Variants in ZMAT4 observed in about 807,000 individuals in gnomAD.
ZMAT4 encodes zinc finger matrin-type protein 4.
ZMAT4 carries 17 observed loss-of-function variants against 28.7 expected under a neutral mutation model. The observed-to-expected ratio is 0.59, with a 90% confidence interval of 0.41 to 0.89. The LOEUF (loss-of-function observed/expected upper bound fraction) is 0.89, where lower values mean the gene tolerates loss of function less well. ZMAT4 is among the 40% of genes least tolerant of loss of function. The probability of loss-of-function intolerance (pLI) is 0.00; values close to 1 mark genes in which losing one functional copy is unlikely to be tolerated. For missense variants in ZMAT4, 240 were observed against 283.8 expected, an observed-to-expected ratio of 0.85 and a Z score of 1.11; for synonymous variants, 117 against 109.2, an observed-to-expected ratio of 1.07 and a Z score of -0.44.
intron 3 of ZMAT4, among the ~76,000 whole-genome samples, chr8:40,730,548 A>G (rs1585955332): frequency 6.6e-6 from 1 of 152,146 alleles, no homozygotes; most frequent in Non-Finnish European, 1.5e-5. Flanking sequence ...CTTAATTTGT[A>G]CTCATTCTAT....
At chr8:40,856,029 T>A (rs987704370) in intron 1 of ZMAT4, among the ~76,000 whole-genome samples, 1 of 151,752 alleles carries the variant, frequency 6.6e-6, no homozygotes, top group Non-Finnish European at 1.5e-5. Flanking sequence ...AATTTAGTTA[T>A]CCCTGCCACA....
chr8:40,647,735 G>C (rs191056984), intron 5 of ZMAT4, among the ~76,000 whole-genome samples: 1 of 152,136 alleles, frequency 6.6e-6, no homozygotes, highest in African/African-American at 2.4e-5. Flanking sequence ...ATCTGAGAAC[G>C]GACAGACTGC....
chr8:40,846,973 A>C (rs1042288753), intron 1 of ZMAT4, among the ~76,000 whole-genome samples: 5 of 152,132 alleles, frequency 3.3e-5, no homozygotes, highest in Non-Finnish European at 7.4e-5. Flanking sequence ...TTGGGAGGCC[A>C]AGGCGGGCAG....
At chr8:40,660,431 G>C (rs1239752804) in intron 5 of ZMAT4, among the ~76,000 whole-genome samples, 1 of 152,182 alleles carries the variant, frequency 6.6e-6, no homozygotes, top group African/African-American at 2.4e-5. Context: ...TAGCTTAGAA[G>C]TTTCCTGAAG....
In ZMAT4 at chr8:40,847,220, A is replaced by AAAC. The variant is rs1563524391; in HGVS notation, c.-4-21541_-4-21540insGTT. ...TTCCATCTAAAAAAACAAACAAACAAAAAAAAAAAACTGGGGGAAATCCAG... is the reference window on the plus strand; with the variant it reads ...TTCCATCTAAAAAAACAAACAAACAAAACAAAAAAAAAACTGGGGGAAATCCAG... On this transcript the variant is annotated intron_variant, in intron 1 of 6. Transcript: ENST00000297737. 4.0e-4 allele frequency among the ~76,000 whole-genome samples: 44 copies of AAAC among 111,212 alleles called. 1 individual carries two copies. Among genetic ancestry groups the AAAC allele is most frequent in the African/African-American group, 1.4e-3 (38 of 26,814 alleles). The allele number at this position is 111,212 out of a possible 152,430, so 73.0% of individuals were successfully genotyped here.
At chr8:40,617,107 T>C (rs1000146907) in intron 5 of ZMAT4, among the ~76,000 whole-genome samples, 17 of 152,160 alleles carry the variant, frequency 1.1e-4, no homozygotes, top group Admixed American at 2.0e-4. Flanking sequence ...TGACATGGTG[T>C]GATGATGATC....
Position 40,531,650 on chromosome 8 carries a change from C to T in ZMAT4, c.*573G>A, listed in dbSNP as rs1017076052. The T allele has an allele frequency of 2.0e-5, 3 of 152,724 alleles. No individual in the cohort carries two copies. The highest frequency in any genetic ancestry group is 4.4e-5 in the Non-Finnish European group (3 of 68,042). The allele number at this position is 152,724 out of a possible 1,614,324, so 9.5% of individuals were successfully genotyped here. The stretch of plus-strand genomic sequence containing the variant: ...GAATTCTTCCTTTATTTACTCCCTT[C>T]GTCTTCATTGTTCAGATGGTAAACC... On this transcript the variant is annotated 3_prime_UTR_variant, in exon 7 of 7. Coordinates refer to ENST00000297737, the MANE Select transcript of ZMAT4 (RefSeq NM_024645.3).
chr8:40,638,745 G>T (rs1179545702), intron 5 of ZMAT4, among the ~76,000 whole-genome samples: 1 of 152,186 alleles, frequency 6.6e-6, no homozygotes, highest in African/African-American at 2.4e-5. Flanking sequence ...GGAGAAAATG[G>T]AACACAAACC....
intron 2 of ZMAT4, among the ~76,000 whole-genome samples, chr8:40,813,343 G>A (rs1288026396): frequency 6.6e-6 from 1 of 152,338 alleles, no homozygotes; most frequent in South Asian, 2.1e-4. Context: ...TGTTACAGAA[G>A]AAGAAATTAA....
chr8:40,827,815 C>T (rs1199311826), intron 1 of ZMAT4, among the ~76,000 whole-genome samples: 1 of 152,190 alleles, frequency 6.6e-6, no homozygotes, highest in Admixed American at 6.5e-5. Flanking sequence ...GCAACCTGTT[C>T]CAGAGAGGGC....
At chr8:40,588,081 A>G (rs1268947894) in intron 5 of ZMAT4, among the ~76,000 whole-genome samples, 2 of 152,048 alleles carry the variant, frequency 1.3e-5, no homozygotes, top group South Asian at 2.1e-4. Context: ...TTAGCCAATA[A>G]CAAAGCTTAA....
intron 1 of ZMAT4, among the ~76,000 whole-genome samples, chr8:40,871,562 G>A (rs1817857198): frequency 6.6e-6 from 1 of 152,224 alleles, no homozygotes; most frequent in Non-Finnish European, 1.5e-5. Context: ...TGGGGCAGAA[G>A]GGAGGCAAGG....
intron 1 of ZMAT4, among the ~76,000 whole-genome samples, chr8:40,880,480 C>T (rs1039250361): frequency 6.6e-5 from 10 of 152,056 alleles, no homozygotes; most frequent in African/African-American, 2.2e-4. Flanking sequence ...TCATCTTTAA[C>T]CTTCAATAAT....
At chr8:40,719,205 G>T (rs1810976688) in intron 3 of ZMAT4, among the ~76,000 whole-genome samples, 1 of 152,124 alleles carries the variant, frequency 6.6e-6, no homozygotes, top group African/African-American at 2.4e-5. Flanking sequence ...ACTTTGGGAG[G>T]CTGAGACGGC....
chr8:40,864,539 G>A (rs534968832), intron 1 of ZMAT4, among the ~76,000 whole-genome samples: 34 of 152,218 alleles, frequency 2.2e-4, no homozygotes, highest in African/African-American at 6.5e-4. Context: ...AAAAAGTGAG[G>A]CATCACACAT....
intron 3 of ZMAT4, among the ~76,000 whole-genome samples, chr8:40,705,031 A>C (rs1035355050): frequency 1.3e-5 from 2 of 152,198 alleles, no homozygotes; most frequent in African/African-American, 4.8e-5. Context: ...TACAAACTAC[A>C]CACTCTGTGG....
chr8:40,733,278 A>C (rs1811622192), intron 3 of ZMAT4, among the ~76,000 whole-genome samples: 1 of 152,122 alleles, frequency 6.6e-6, no homozygotes, highest in South Asian at 2.1e-4. Context: ...TTGGTCTTTC[A>C]TTAAGTTTGT....
intron 1 of ZMAT4, among the ~76,000 whole-genome samples, chr8:40,896,845 A>C (rs1586244462): frequency 6.6e-6 from 1 of 151,282 alleles, no homozygotes; most frequent in South Asian, 2.1e-4. Context: ...ACACGGAGCC[A>C]CCCCCTCCAC....
intron 5 of ZMAT4, among the ~76,000 whole-genome samples, chr8:40,648,914 C>T (rs1378958214): frequency 7.0e-6 from 1 of 142,450 alleles, no homozygotes; most frequent in Admixed American, 7.1e-5. Flanking sequence ...TAAAACAGCT[C>T]CTGAAGGAAG....
Sources: allele counts gnomAD v4.1 joint callset (sites outside exome capture counted in the v4.1 genomes callset), GRCh38; gene constraint gnomAD v4.1.1; transcripts MANE v1.5; gene names NCBI Gene and HGNC (gene_info 2026-07-23, HGNC 2026-07-21).